Variants in PDE1A observed in about 807,000 individuals in gnomAD.
PDE1A encodes phosphodiesterase 1A.
PDE1A carries 35 observed loss-of-function variants against 61.7 expected under a neutral mutation model. The observed-to-expected ratio is 0.57, with a 90% CI of 0.43 to 0.75. The LOEUF (loss-of-function observed/expected upper bound fraction) is 0.75, where lower values mean the gene tolerates loss of function less well. PDE1A is among the 30% of genes least tolerant of loss of function. The pLI, the probability that PDE1A is intolerant of heterozygous loss-of-function variation, is 0.00. For missense variants in PDE1A, 597 were observed against 630.6 expected (o/e 0.95, Z 0.57); for synonymous variants, 232 against 213.2 (o/e 1.09, Z -0.77).
At chr2:182,575,137 TG>T in the PDE1A span, among the ~76,000 whole-genome samples, 3 of 152,196 alleles carry the variant, frequency 2.0e-5, no homozygotes, top group Non-Finnish European at 4.4e-5. Flanking sequence ...GTTTTTTTCC[TG>T]GTGGAATGAT....
intron 1 of PDE1A, among the ~76,000 whole-genome samples, chr2:182,387,895 G>A (rs1038073408): frequency 3.9e-5 from 6 of 152,144 alleles, no homozygotes; most frequent in African/African-American, 1.4e-4. Flanking sequence ...GACACTGAAT[G>A]GTTGAATGGA....
chr2:182,258,168 GAA>G (rs370306747), intron 2 of PDE1A, among the ~76,000 whole-genome samples: 1 of 139,540 alleles, frequency 7.2e-6, no homozygotes, highest in Non-Finnish European at 1.6e-5. Context: ...ACTCCATCTC[GAA>G]AAAAAAAAGA....
chr2:182,587,538 C>T, the PDE1A span, among the ~76,000 whole-genome samples: 8 of 152,190 alleles, frequency 5.3e-5, no homozygotes, highest in Non-Finnish European at 1.2e-4. Flanking sequence ...AGTTATTCCA[C>T]GTGGTTATAA....
At chr2:182,233,060 T>C (rs1277324661) in intron 4 of PDE1A, among the ~76,000 whole-genome samples, 1 of 152,180 alleles carries the variant, frequency 6.6e-6, no homozygotes, top group Non-Finnish European at 1.5e-5. Flanking sequence ...TACAACACTT[T>C]AGAAAAAATA....
the PDE1A span, among the ~76,000 whole-genome samples, chr2:182,683,195 C>T: frequency 6.6e-6 from 1 of 150,792 alleles, no homozygotes; most frequent in Non-Finnish European, 1.5e-5. Context: ...CAGGTTCAAG[C>T]GATTCTCCTG....
chr2:182,384,623 G>C (rs1700924511), intron 1 of PDE1A, among the ~76,000 whole-genome samples: 1 of 151,892 alleles, frequency 6.6e-6, no homozygotes, highest in Admixed American at 6.6e-5. Context: ...GTAGTCAGAA[G>C]AGGGAAAAAA....
chr2:182,533,201 T>C, the PDE1A span, among the ~76,000 whole-genome samples: 1 of 151,582 alleles, frequency 6.6e-6, no homozygotes. Context: ...ATTCCAGCTA[T>C]TTGGCAGGCT....
chr2:182,353,451 T>C (rs1413950576), intron 1 of PDE1A, among the ~76,000 whole-genome samples: 6 of 152,190 alleles, frequency 3.9e-5, no homozygotes, highest in Non-Finnish European at 7.4e-5. Context: ...TTGCTAGGAA[T>C]TTTTCTTTGC....
the PDE1A span, among the ~76,000 whole-genome samples, chr2:182,666,638 A>T: frequency 1.3e-5 from 2 of 152,044 alleles, no homozygotes; most frequent in Non-Finnish European, 2.9e-5. Context: ...AGACAATAAC[A>T]TACTCAAAAG....
upstream of PDE1A, among the ~76,000 whole-genome samples, chr2:182,430,354 A>G (rs577906884): frequency 3.5e-5 from 4 of 113,206 alleles, no homozygotes; most frequent in Admixed American, 3.9e-4. Context: ...ACACATGAAG[A>G]AATGCTCATC....
chr2:182,513,686 C>T (rs1179799976), intron 2 of PDE1A, among the ~76,000 whole-genome samples: 2 of 152,224 alleles, frequency 1.3e-5, no homozygotes, highest in South Asian at 2.1e-4. Context: ...AACCTGTATG[C>T]TGTCTTCAAG....
intron 2 of PDE1A, among the ~76,000 whole-genome samples, chr2:182,501,107 T>C (rs1432548532): frequency 6.6e-6 from 1 of 152,246 alleles, no homozygotes; most frequent in Admixed American, 6.5e-5. Flanking sequence ...CAGATGGAAT[T>C]TGAAGGCCTG....
At chr2:182,592,038 C>A in the PDE1A span, among the ~76,000 whole-genome samples, 46 of 152,132 alleles carry the variant, frequency 3.0e-4, no homozygotes, top group Non-Finnish European at 4.9e-4. Flanking sequence ...GGGTGTATGC[C>A]TGATTAGAGT....
chr2:182,481,814 T>C (rs907697198), intron 2 of PDE1A, among the ~76,000 whole-genome samples: 1 of 151,894 alleles, frequency 6.6e-6, no homozygotes, highest in Non-Finnish European at 1.5e-5. Context: ...TCTATTAAGT[T>C]ACAGTAAATC....
At chr2:182,257,152 G>GGTA (rs1283446841) in intron 2 of PDE1A, among the ~76,000 whole-genome samples, 2 of 152,006 alleles carry the variant, frequency 1.3e-5, no homozygotes, top group African/African-American at 4.8e-5. Flanking sequence ...TCTCCTCTTT[G>GGTA]GTAGCTCCAT....
the PDE1A span, among the ~76,000 whole-genome samples, chr2:182,607,039 G>A: frequency 6.6e-6 from 1 of 152,082 alleles, no homozygotes; most frequent in South Asian, 2.1e-4. Flanking sequence ...GAGAAGAAAT[G>A]TAACGTGGGG....
chr2:182,562,407 A>T, the PDE1A span, among the ~76,000 whole-genome samples: 6 of 149,374 alleles, frequency 4.0e-5, no homozygotes, highest in South Asian at 2.2e-4. Flanking sequence ...GATGAAGCCC[A>T]CTTGATCATG....
intron 2 of PDE1A, among the ~76,000 whole-genome samples, chr2:182,481,139 TAAAC>T (rs755932778): frequency 2.6e-5 from 4 of 151,840 alleles, no homozygotes; most frequent in Admixed American, 6.6e-5. Context: ...ATCAAACTAA[TAAAC>T]AAAAGCAATC....
chr2:182,355,776 G>C (rs1467785508), intron 1 of PDE1A, among the ~76,000 whole-genome samples: 1 of 152,032 alleles, frequency 6.6e-6, no homozygotes, highest in African/African-American at 2.4e-5. Context: ...TTCCAGTTTA[G>C]TTCCTTCAAT....
Sources: allele counts gnomAD v4.1 joint callset (sites outside exome capture counted in the v4.1 genomes callset), GRCh38; gene constraint gnomAD v4.1.1; transcripts MANE v1.5; gene names NCBI Gene and HGNC (gene_info 2026-07-23, HGNC 2026-07-21).